Variants in PXYLP1 observed in about 807,000 individuals in gnomAD.
PXYLP1 encodes the protein 2-phosphoxylose phosphatase 1.
Under a neutral mutation model 37.9 loss-of-function variants are expected in PXYLP1, and 17 were observed. The ratio of observed to expected loss-of-function variants is 0.45; its 90% CI spans 0.31 to 0.67. PXYLP1 has a LOEUF of 0.67. PXYLP1 is among the 30% of genes least tolerant of loss of function. PXYLP1 has a pLI of 0.07. For missense variants in PXYLP1, 511 were observed against 612.0 expected (o/e 0.84, Z 1.74); for synonymous variants, 221 against 232.2 (o/e 0.95, Z 0.44).
chr3:141,282,271 T>C (rs1257623315), intron 4 of PXYLP1, among the ~76,000 whole-genome samples: 1 of 152,196 alleles, frequency 6.6e-6, no homozygotes, highest in Non-Finnish European at 1.5e-5. Flanking sequence ...CAAACTGGTT[T>C]CTGTCTCTAG....
At chr3:141,263,244 G>A (rs1309214999) in intron 2 of PXYLP1, among the ~76,000 whole-genome samples, 1 of 152,232 alleles carries the variant, frequency 6.6e-6, no homozygotes, top group East Asian at 1.9e-4. Context: ...CACTGTGGAA[G>A]TGGAGGTAGT....
intron 1 of PXYLP1, among the ~76,000 whole-genome samples, chr3:141,251,908 A>G (rs952692991): frequency 1.3e-5 from 2 of 152,248 alleles, no homozygotes; most frequent in African/African-American, 2.4e-5. Context: ...TATTAAAACC[A>G]TCAGCAAAAT....
intron 2 of PXYLP1, among the ~76,000 whole-genome samples, chr3:141,263,210 T>G (rs887480115): frequency 3.3e-5 from 5 of 152,238 alleles, no homozygotes; most frequent in African/African-American, 1.2e-4. Flanking sequence ...TATTAAGTGC[T>G]TATGTGTGTT....
intron 2 of PXYLP1, among the ~76,000 whole-genome samples, chr3:141,277,556 A>G (rs1941826689): frequency 6.6e-6 from 1 of 152,192 alleles, no homozygotes; most frequent in African/African-American, 2.4e-5. Context: ...GAGTCTGTAT[A>G]TCACCTGTCT....
At chr3:141,279,346 T>G in intron 3 of PXYLP1, 32 bp from the exon 4 acceptor site, 1 of 1,613,462 alleles carries the variant, frequency 6.2e-7, no homozygotes, top group South Asian at 1.1e-5. Flanking sequence ...ACCTATTGAG[T>G]GATAACCAGA....
intron 1 of PXYLP1, among the ~76,000 whole-genome samples, chr3:141,232,665 T>TCACA (rs112019608): frequency 1.3e-5 from 2 of 151,364 alleles, no homozygotes; most frequent in African/African-American, 4.9e-5. Flanking sequence ...GCTGGGTTTG[T>TCACA]CACACACACA....
chr3:141,267,472 C>A (rs559264147), intron 2 of PXYLP1: 1 of 151,998 alleles, frequency 6.6e-6, no homozygotes, highest in Admixed American at 6.6e-5. Flanking sequence ...TTCATTGTGA[C>A]CAAAGTTTTA....
chr3:141,289,934 A>G lies in PXYLP1; in HGVS notation c.506-2334A>G, dbSNP rs556750883. Among the ~76,000 whole-genome samples, 8 of 152,256 alleles carry G rather than the reference A, an allele frequency of 5.3e-5. No individual in the cohort carries two copies. The East Asian group carries it at 1.5e-3, about 29-fold the overall frequency. ...TCATTCATTCAGATCTTTCTTCTCA[A>G]TTCATCTATCATCATCATCGTTTCT... On this transcript the variant is annotated intron_variant, in intron 5 of 5. Coordinates refer to ENST00000286353, the MANE Select transcript of PXYLP1 (RefSeq NM_001037172.3).
chr3:141,255,287 G>A (rs568013915), intron 1 of PXYLP1, among the ~76,000 whole-genome samples: 2 of 152,206 alleles, frequency 1.3e-5, no homozygotes, highest in Admixed American at 6.5e-5. Context: ...TTTGTACCAC[G>A]TGGGTTTAGC....
chr3:141,292,261 G>C lies in PXYLP1; in HGVS notation c.506-7G>C, dbSNP rs1300437245. On this transcript the variant is annotated splice_polypyrimidine_tract_variant and splice_region_variant and intron_variant, in intron 5 of 5. Transcript: ENST00000286353. This position sits in a 1 kb window ranked among gnomAD's most constrained non-coding sequence, Gnocchi z 4.3. ...AGTAAGGTAAGCTTTGTGTGCTTGT[G>C]TTTCAGGAGTTGTGCAGCATTTGCA... The C allele has an allele frequency of 6.4e-7, 1 of 1,574,030 alleles. No homozygotes were observed. Among genetic ancestry groups the C allele is most frequent in the Non-Finnish European group, 8.6e-7 (1 of 1,161,036 alleles).
rs1028788673 is a variant in PXYLP1 at position 141,293,012 on chromosome 3, A to G, written c.1250A>G (p.His417Arg). 3.7e-6 allele frequency: 6 copies of G among 1,614,100 alleles called. No homozygotes were observed. Among genetic ancestry groups the G allele is most frequent in the Admixed American group, 3.3e-5 (2 of 60,012 alleles). ...CAAGACAGAGAAAAGCCCAGTGAAC[A>G]TTCCGTCCGGATTCTTTACAATGGC... The part of the protein sequence containing the change: ...LWQDREKPSE[H>R]SVRILYNGVD... The change falls in exon 6 of 6, where the codon CAT (histidine) becomes CGT (arginine). Residue 417 changes from histidine (H) to arginine (R), a missense_variant. His to Arg is a conservative substitution (Grantham distance 29). Transcript: ENST00000286353.
chr3:141,283,799 G>A (rs10935428), intron 4 of PXYLP1, among the ~76,000 whole-genome samples: 65,410 of 150,920 alleles, frequency 0.43, 17,435 homozygotes, highest in South Asian at 0.6. Context: ...GCAGAACTCA[G>A]TCATTGCTGA....
At chr3:141,240,878 C>T (rs1043515888) in intron 1 of PXYLP1, among the ~76,000 whole-genome samples, 1 of 152,134 alleles carries the variant, frequency 6.6e-6, no homozygotes. Context: ...CCCTCATTAT[C>T]CCCCTGTCTT....
intron 3 of PXYLP1, among the ~76,000 whole-genome samples, chr3:141,278,716 T>C (rs1261451876): frequency 6.6e-6 from 1 of 152,200 alleles, no homozygotes; most frequent in Non-Finnish European, 1.5e-5. Context: ...TTTCAGTAAC[T>C]GCTCTGAACA....
At position 141,292,914 on chromosome 3, in the gene PXYLP1, A is replaced by C; in HGVS notation, c.1152A>C (p.Pro384=). The C allele has an allele frequency of 6.2e-7, 1 of 1,614,178 alleles. No homozygotes were observed. The change falls in exon 6 of 6, where the codon CCA becomes CCC. Residue 384 remains proline, a synonymous_variant. Coordinates refer to ENST00000286353, the MANE Select transcript of PXYLP1 (RefSeq NM_001037172.3). The surrounding 1 kb of genome is among the most constrained non-coding windows in gnomAD (Gnocchi z 4.3). Reference sequence around the variant, plus strand: ...CTGCTCATGATGTCACTCTGTCACCAGTTCTCAGTGCCTTGGGCCTTTCAG... The same window carrying C: ...CTGCTCATGATGTCACTCTGTCACCCGTTCTCAGTGCCTTGGGCCTTTCAG... The part of the protein sequence containing the change: ...LYSAHDVTLS[P]VLSALGLSEA...
Position 141,278,384 on chromosome 3 carries a change from G to C in PXYLP1, c.122G>C (p.Ser41Thr). ...TCGACTCCTAAGAATGGAATGAGTA[G>C]CAAGAGTCGAAAGAGAATCATGCCC... ...PVSTPKNGMS[S>T]KSRKRIMPDP... is the part of the protein sequence containing the mutation. The change falls in exon 3 of 6, where the codon AGC becomes ACC. Residue 41 changes from serine (S) to threonine (T), a missense_variant. Physicochemically the swap from Ser to Thr is moderately conservative, Grantham distance 58. Coordinates refer to ENST00000286353, the MANE Select transcript of PXYLP1 (RefSeq NM_001037172.3). 6.2e-7 allele frequency: 1 copy of C among 1,614,206 alleles called. No individual in the cohort carries two copies. The highest frequency in any genetic ancestry group is 1.1e-5 in the South Asian group (1 of 91,080).
intron 2 of PXYLP1, among the ~76,000 whole-genome samples, chr3:141,270,967 T>C (rs1465565088): frequency 6.6e-6 from 1 of 152,190 alleles, no homozygotes; most frequent in Non-Finnish European, 1.5e-5. Flanking sequence ...CAGGGCTCAC[T>C]GCAGCCCCGA....
In PXYLP1 at chr3:141,293,384, G is replaced by A. The variant is rs149252159; in HGVS notation, c.*179G>A. 77 of 651,194 alleles carry A rather than the reference G, an allele frequency of 1.2e-4. No homozygotes were observed. Among genetic ancestry groups the A allele is most frequent in the African/African-American group, 8.9e-4 (49 of 54,906 alleles). The allele number at this position is 651,194 out of a possible 1,614,324, so 40.3% of individuals were successfully genotyped here. ...TAAGCACATTGCTGCAATGTGGTAC[G>A]TGAATTGCTTGGTACAAAATGGCCA... is the stretch of plus-strand genomic sequence containing the variant. On this transcript the variant is annotated 3_prime_UTR_variant, in exon 6 of 6. Transcript: ENST00000286353.
chr3:141,262,560 C>G, intron 2 of PXYLP1: 1 of 1,237,306 alleles, frequency 8.1e-7, no homozygotes, highest in Non-Finnish European at 1.1e-6. Context: ...TATAACTCTT[C>G]TGAAAGTACC....
Sources: allele counts gnomAD v4.1 joint callset (sites outside exome capture counted in the v4.1 genomes callset), GRCh38; gene constraint gnomAD v4.1.1; non-coding constraint Gnocchi (gnomAD v3.1); transcripts MANE v1.5; gene names NCBI Gene and HGNC (gene_info 2026-07-23, HGNC 2026-07-21).